ZNF131: variants seen among roughly 807,000 people sequenced by gnomAD.
The protein encoded by ZNF131 is zinc finger and BTB domain containing 35, also known as zinc finger protein 131.
A neutral mutation model predicts 60.0 loss-of-function variants in ZNF131; 7 were observed. The ratio of observed to expected loss-of-function variants is 0.12; its 90% CI spans 0.07 to 0.22. The LOEUF (loss-of-function observed/expected upper bound fraction) is 0.22, where lower values mean the gene tolerates loss of function less well. ZNF131 is among the 10% of genes least tolerant of loss of function. The pLI is 1.00. For synonymous variants in ZNF131, 257 were observed against 253.2 expected, an observed-to-expected ratio of 1.01 and a Z score of -0.14; for missense variants, 493 against 740.9, an observed-to-expected ratio of 0.67 and a Z score of 3.88.
chr5:43,121,930 C>G, intron 1 of ZNF131, 109 bp from the exon 2 acceptor site: 1 of 1,212,252 alleles, frequency 8.2e-7, no homozygotes, highest in Non-Finnish European at 1.1e-6. Flanking sequence ...CTTCACCCTC[C>G]CCCCTTCTTT....
intron 4 of ZNF131, among the ~76,000 whole-genome samples, chr5:43,158,195 C>T (rs984418099): frequency 2.4e-4 from 37 of 151,516 alleles, no homozygotes; most frequent in African/African-American, 8.0e-4. Flanking sequence ...CTCAAACTCC[C>T]GACCTCAGTT....
intron 3 of ZNF131, 114 bp from the exon 4 acceptor site, chr5:43,139,050 GT>G (rs772336984): frequency 1.3e-5 from 12 of 934,762 alleles, no homozygotes; most frequent in Middle Eastern, 3.8e-4. Context: ...CCAGAAAATA[GT>G]TTTCAAAAAT....
At chr5:43,124,636 C>T (rs1401520556) in intron 3 of ZNF131, 1 of 152,038 alleles carries the variant, frequency 6.6e-6, no homozygotes, top group South Asian at 2.1e-4. Context: ...TACTACAAAG[C>T]AAGCCTCCAT....
chr5:43,138,135 G>A (rs1746363593), intron 3 of ZNF131, among the ~76,000 whole-genome samples: 1 of 152,186 alleles, frequency 6.6e-6, no homozygotes, highest in African/African-American at 2.4e-5. Context: ...AGTTTCAATT[G>A]CGCAAGATGA....
intron 3 of ZNF131, among the ~76,000 whole-genome samples, chr5:43,135,035 G>T (rs779815122): frequency 1.3e-5 from 2 of 149,802 alleles, no homozygotes; most frequent in Non-Finnish European, 3.0e-5. Flanking sequence ...TTTTGCTCTT[G>T]TTGCCCCGGC....
intron 2 of ZNF131, 86 bp downstream of exon 2, chr5:43,122,263 T>C: frequency 1.4e-6 from 2 of 1,475,152 alleles, no homozygotes; most frequent in Non-Finnish European, 1.8e-6. Context: ...TTTTTTTTTT[T>C]TTTTTTAACC....
At chr5:43,130,386 A>G (rs940333615) in intron 3 of ZNF131, among the ~76,000 whole-genome samples, 19 of 152,060 alleles carry the variant, frequency 1.2e-4, no homozygotes, top group Admixed American at 3.9e-4. Flanking sequence ...TAATGTATAC[A>G]TTTTGTGAAA....
At chr5:43,158,038 G>T (rs1749172154) in intron 4 of ZNF131, among the ~76,000 whole-genome samples, 1 of 152,094 alleles carries the variant, frequency 6.6e-6, no homozygotes, top group Non-Finnish European at 1.5e-5. Context: ...GTGCCATCTT[G>T]GCTCACAGCC....
intron 3 of ZNF131, among the ~76,000 whole-genome samples, chr5:43,129,584 G>T (rs963360933): frequency 1.3e-5 from 2 of 152,176 alleles, no homozygotes; most frequent in African/African-American, 4.8e-5. Context: ...TCTTAAGTGG[G>T]ATAAAGATGA....
intron 5 of ZNF131, among the ~76,000 whole-genome samples, chr5:43,162,952 T>TTGC (rs1561439646): frequency 7.2e-5 from 9 of 124,816 alleles, no homozygotes; most frequent in Non-Finnish European, 1.2e-4. Context: ...TGTTTATACT[T>TTGC]CTTTTCTTTT....
intron 1 of ZNF131, 135 bp from the exon 2 acceptor site, chr5:43,121,904 C>G: frequency 1.0e-6 from 1 of 999,610 alleles, no homozygotes; most frequent in Non-Finnish European, 1.4e-6. Flanking sequence ...TCTTCCCTCG[C>G]CTTTCTCTCC....
intron 3 of ZNF131, chr5:43,124,689 G>T (rs1744284487): frequency 6.6e-6 from 1 of 152,100 alleles, no homozygotes; most frequent in Admixed American, 6.6e-5. Flanking sequence ...GTGACCCCAG[G>T]CGGGTTACTT....
chr5:43,128,866 T>A (rs1744935463), intron 3 of ZNF131, among the ~76,000 whole-genome samples: 1 of 152,000 alleles, frequency 6.6e-6, no homozygotes, highest in Non-Finnish European at 1.5e-5. Context: ...TCCTCTCACC[T>A]CAGCCTTCTA....
intron 3 of ZNF131, among the ~76,000 whole-genome samples, chr5:43,133,459 C>G (rs1054797407): frequency 7.2e-5 from 11 of 152,014 alleles, no homozygotes; most frequent in Non-Finnish European, 1.6e-4. Context: ...GTGGGAAACT[C>G]CATCTCAAAA....
chr5:43,163,880 C>A (rs140516223), intron 5 of ZNF131, among the ~76,000 whole-genome samples: 55 of 152,310 alleles, frequency 3.6e-4, no homozygotes, highest in Admixed American at 2.0e-4. Flanking sequence ...TTGTCACTGT[C>A]AGTTGGTATA....
rs59888761 is a variant in ZNF131 at position 43,175,719 on chromosome 5, TAA to T, written c.*600_*601del. The stretch of plus-strand genomic sequence containing the variant: ...GGTGGTGGCAAAATTTCTAGAATGT[TAA>T]AAAAAAAAAAAAATCCACACCCATG... On this transcript the variant is annotated 3_prime_UTR_variant, in exon 7 of 7. Transcript: ENST00000682664. The T allele has an allele frequency of 2.2e-3, 488 of 225,416 alleles. No individual in the cohort carries two copies. The highest frequency in any genetic ancestry group is 2.7e-3 in the Non-Finnish European group (322 of 119,978). The allele number at this position is 225,416 out of a possible 1,614,324, so 14.0% of individuals were successfully genotyped here.
chr5:43,121,320 T>C (rs1322746704), intron 1 of ZNF131, among the ~76,000 whole-genome samples, 197 bp downstream of exon 1: 5 of 152,172 alleles, frequency 3.3e-5, no homozygotes, highest in African/African-American at 1.2e-4. Context: ...CTTCTGGCCC[T>C]GCCAGGCTCT....
intron 5 of ZNF131, among the ~76,000 whole-genome samples, chr5:43,162,429 T>TA (rs1455423668): frequency 6.7e-6 from 1 of 150,088 alleles, no homozygotes; most frequent in Non-Finnish European, 1.5e-5. Context: ...TCATCTCTAC[T>TA]AAAAATACAA....
intron 5 of ZNF131, among the ~76,000 whole-genome samples, chr5:43,163,463 T>A (rs2111987693): frequency 6.6e-6 from 1 of 152,352 alleles, no homozygotes; most frequent in Admixed American, 6.5e-5. Context: ...GATGGAAATG[T>A]CCTGAGAAAT....
Sources: gnomAD v4.1 joint callset for allele counts (sites outside exome capture counted in the v4.1 genomes callset) on GRCh38, gnomAD v4.1.1 for gene constraint, MANE v1.5 for transcripts, NCBI Gene and HGNC (gene_info 2026-07-23, HGNC 2026-07-21) for gene names.